The following TMEM163 variants were observed in gnomAD, a reference collection of about 807,000 sequenced individuals.
TMEM163 encodes the protein transmembrane protein 163.
A neutral mutation model predicts 29.3 loss-of-function variants in TMEM163; 17 were observed. The observed-to-expected ratio is 0.58, with a 90% CI of 0.40 to 0.87. The LOEUF (loss-of-function observed/expected upper bound fraction) is 0.87, where lower values mean the gene tolerates loss of function less well. Among genes scored for constraint, TMEM163 ranks in the 40% least tolerant of loss-of-function variants. The probability of loss-of-function intolerance (pLI) is 0.00; values close to 1 mark genes in which losing one functional copy is unlikely to be tolerated. For synonymous variants in TMEM163, 157 were observed against 160.6 expected (o/e 0.98, Z 0.17); for missense variants, 303 against 381.5 (o/e 0.79, Z 1.71).
chr2:134,692,263 C>G (rs1266997531), intron 2 of TMEM163, among the ~76,000 whole-genome samples: 2 of 152,168 alleles, frequency 1.3e-5, no homozygotes, highest in Admixed American at 6.5e-5. Context: ...GACTTCTGGT[C>G]TCCAGAAATG....
At chr2:134,648,530 C>T (rs915878925) in intron 2 of TMEM163, among the ~76,000 whole-genome samples, 4 of 152,096 alleles carry the variant, frequency 2.6e-5, no homozygotes, top group African/African-American at 9.7e-5. Flanking sequence ...CCCAGAATTT[C>T]CCTACCTCCT....
chr2:134,585,559 A>G (rs763521571), intron 2 of TMEM163, among the ~76,000 whole-genome samples: 31 of 152,088 alleles, frequency 2.0e-4, no homozygotes, highest in Middle Eastern at 3.2e-3. Context: ...TGGCTAACAC[A>G]GTGAAACCCC....
intron 2 of TMEM163, among the ~76,000 whole-genome samples, chr2:134,580,832 G>T (rs180930000): frequency 6.6e-6 from 1 of 152,300 alleles, no homozygotes; most frequent in African/African-American, 2.4e-5. Flanking sequence ...AGAATCGCTT[G>T]AACCCCAGAG....
chr2:134,646,963 G>C lies in TMEM163; in HGVS notation c.322+66237C>G, dbSNP rs148838059. 4.7e-3 allele frequency among the ~76,000 whole-genome samples: 709 copies of C among 152,190 alleles called. 5 individuals are homozygous for C. Among genetic ancestry groups the C allele is most frequent in the African/African-American group, 0.015 (603 of 41,522 alleles). ...TCAGCCAAAGTTCATTCCCAATATG[G>C]GTCCCTTCTTCCAGTTTCTCAGAAT... On this transcript the variant is annotated intron_variant, in intron 2 of 7. Transcript: ENST00000281924.
Position 134,458,124 on chromosome 2 carries a change from G to A in TMEM163, c.717C>T (p.Ser239=), listed in dbSNP as rs778985615. ...GGVMGFSILL[S]AEVFKHDSAV... ...CCGAGTCATGCTTGAACACTTCCGCGCTCAGAAGAATGGAGAAGCCCATCA... is the reference window on the plus strand; with the variant it reads ...CCGAGTCATGCTTGAACACTTCCGCACTCAGAAGAATGGAGAAGCCCATCA... The change falls in exon 7 of 8, where the codon AGC becomes AGT. Residue 239 remains serine, a synonymous_variant. Coordinates refer to ENST00000281924, the MANE Select transcript of TMEM163 (RefSeq NM_030923.5). 42 of 1,614,024 alleles carry A rather than the reference G, an allele frequency of 2.6e-5. No homozygotes were observed. The highest frequency in any genetic ancestry group is 2.5e-4 in the East Asian group (11 of 44,888).
Position 134,460,763 on chromosome 2 carries a change from G to T in TMEM163, c.668-2590C>A, listed in dbSNP as rs554381688. ...CGCTCTGCCAGCCAGCACCAAGGCC[G>T]GCCCAGCTTGCTATTCCTGACAGCA... On this transcript the variant is annotated intron_variant, in intron 6 of 7. Coordinates refer to ENST00000281924, the MANE Select transcript of TMEM163 (RefSeq NM_030923.5). The surrounding 1 kb of genome is among the most constrained non-coding windows in gnomAD (Gnocchi z 4.3). Among the ~76,000 whole-genome samples the T allele has an allele frequency of 1.3e-5, 2 of 152,146 alleles. No homozygotes were observed. The highest frequency in any genetic ancestry group is 4.8e-5 in the African/African-American group (2 of 41,434).
At chr2:134,571,718 T>A (rs1442543209) in intron 2 of TMEM163, among the ~76,000 whole-genome samples, 24 of 152,168 alleles carry the variant, frequency 1.6e-4, no homozygotes, top group Admixed American at 1.6e-3. Flanking sequence ...CCCAGAGTCC[T>A]CTCCCAGTGG....
At chr2:134,509,714 T>C (rs661543) in intron 4 of TMEM163, among the ~76,000 whole-genome samples, 94,676 of 152,114 alleles carry the variant, frequency 0.62, 31,692 homozygotes, top group East Asian at 0.96. Context: ...GAAATCACTA[T>C]AGGACAGTCC....
At chr2:134,622,872 C>A (rs1682770630) in intron 2 of TMEM163, among the ~76,000 whole-genome samples, 1 of 152,126 alleles carries the variant, frequency 6.6e-6, no homozygotes. Flanking sequence ...AAGCAATTCT[C>A]CTGCCTCAGC....
chr2:134,497,090 C>T (rs934442966), intron 5 of TMEM163, among the ~76,000 whole-genome samples: 1 of 152,178 alleles, frequency 6.6e-6, no homozygotes, highest in South Asian at 2.1e-4. Context: ...ACAAAAAAAG[C>T]TCCTCTGTGT....
chr2:134,660,472 G>C (rs565860091), intron 2 of TMEM163, among the ~76,000 whole-genome samples: 3 of 152,186 alleles, frequency 2.0e-5, no homozygotes, highest in Admixed American at 1.3e-4. Flanking sequence ...TAAGAAAAAG[G>C]TAAATCAAGA....
At chr2:134,664,236 C>A (rs1032026547) in intron 2 of TMEM163, among the ~76,000 whole-genome samples, 39 of 152,350 alleles carry the variant, frequency 2.6e-4, no homozygotes, top group African/African-American at 9.4e-4. Flanking sequence ...GGACTAATCT[C>A]TTCCCAGCGC....
At chr2:134,533,053 C>A (rs569221542) in intron 4 of TMEM163, among the ~76,000 whole-genome samples, 17 of 152,232 alleles carry the variant, frequency 1.1e-4, no homozygotes, top group African/African-American at 3.6e-4. Context: ...GAAAAAAGTA[C>A]CCCACATCTC....
chr2:134,698,955 C>T (rs1684637298), intron 2 of TMEM163, among the ~76,000 whole-genome samples: 1 of 152,150 alleles, frequency 6.6e-6, no homozygotes, highest in Non-Finnish European at 1.5e-5. Context: ...CACATTGAGC[C>T]ACTGGATCAA....
chr2:134,494,880 T>C (rs900466387), intron 5 of TMEM163, among the ~76,000 whole-genome samples: 2 of 152,096 alleles, frequency 1.3e-5, no homozygotes, highest in African/African-American at 4.8e-5. Context: ...AGGAACTCAT[T>C]CCCATGGGTG....
chr2:134,585,829 C>T (rs886426291), intron 2 of TMEM163, among the ~76,000 whole-genome samples: 1 of 151,740 alleles, frequency 6.6e-6, no homozygotes, highest in African/African-American at 2.4e-5. Context: ...TTCTTATAAA[C>T]ATAAAGCAAA....
chr2:134,707,046 A>G (rs57891859), intron 2 of TMEM163, among the ~76,000 whole-genome samples: 63,289 of 152,070 alleles, frequency 0.42, 15,513 homozygotes, highest in East Asian at 0.75. Context: ...TATCGTTCCC[A>G]AGCACACCCA....
chr2:134,583,486 A>G (rs1374208329), intron 2 of TMEM163, among the ~76,000 whole-genome samples: 1 of 152,260 alleles, frequency 6.6e-6, no homozygotes, highest in Non-Finnish European at 1.5e-5. Context: ...AACCAAGTTC[A>G]GCACCATGAC....
intron 5 of TMEM163, among the ~76,000 whole-genome samples, chr2:134,489,502 G>A (rs561157613): frequency 2.0e-5 from 3 of 151,722 alleles, no homozygotes; most frequent in South Asian, 2.1e-4. Context: ...ATTTGAACTC[G>A]GGAGGCAGAG....
Sources: gnomAD v4.1 joint callset for allele counts (sites outside exome capture counted in the v4.1 genomes callset) on GRCh38, gnomAD v4.1.1 for gene constraint, Gnocchi (gnomAD v3.1) non-coding constraint, MANE v1.5 for transcripts, NCBI Gene and HGNC (gene_info 2026-07-23, HGNC 2026-07-21) for gene names.